Variants in CLASP1 observed in about 807,000 individuals in gnomAD.
The protein encoded by CLASP1 is CLIP-associating protein 1.
In CLASP1, 38 loss-of-function variants were observed where a neutral mutation model predicts 192.3. The observed-to-expected ratio is 0.20, with a 90% CI of 0.15 to 0.26. The LOEUF (loss-of-function observed/expected upper bound fraction) is 0.26, where lower values mean the gene tolerates loss of function less well. Among genes scored for constraint, CLASP1 ranks in the 10% least tolerant of loss-of-function variants. CLASP1 has a pLI of 1.00. For missense variants in CLASP1, 1,433 were observed against 1,932.5 expected (o/e 0.74, Z 4.85); for synonymous variants, 691 against 712.8 (o/e 0.97, Z 0.49).
rs922071307 is a variant in CLASP1, at chr2:121,421,279, G to A, written c.2213-2550C>T. Among the ~76,000 whole-genome samples the A allele has an allele frequency of 3.3e-5, 5 of 152,080 alleles. No homozygotes were observed. The East Asian group carries it at 5.8e-4, about 18-fold the overall frequency. The stretch of plus-strand genomic sequence containing the variant: ...TTTATTTAATTTCTTTTTTTGAGAC[G>A]GAGTCTTGCTCTGTCACCTGGGCTG... On this transcript the variant is annotated intron_variant, in intron 22 of 39. Coordinates refer to ENST00000263710, the Ensembl canonical transcript of CLASP1.
chr2:121,395,046 T>A (rs1574275154), intron 30 of CLASP1, among the ~76,000 whole-genome samples: 1 of 152,116 alleles, frequency 6.6e-6, no homozygotes, highest in African/African-American at 2.4e-5. Flanking sequence ...TGAGAATGGC[T>A]GCCCGTTGAC....
intron 1 of CLASP1, among the ~76,000 whole-genome samples, chr2:121,620,111 A>C (rs2067087550): frequency 6.6e-6 from 1 of 151,726 alleles, no homozygotes; most frequent in South Asian, 2.1e-4. Flanking sequence ...AATCCCAGCT[A>C]CTGAGGAGGC....
At chr2:121,594,239 T>G (rs1402983682) in intron 2 of CLASP1, among the ~76,000 whole-genome samples, 3 of 142,036 alleles carry the variant, frequency 2.1e-5, no homozygotes, top group African/African-American at 5.3e-5. Context: ...GGCGGAGCTT[T>G]CAGTGAGCCG....
chr2:121,407,551 G>A (rs374120759), exon 25 of CLASP1: 5 of 1,613,908 alleles, frequency 3.1e-6, no homozygotes, highest in Non-Finnish European at 4.2e-6. Flanking sequence ...AACTAGCACA[G>A]TGGTTGAGAA....
chr2:121,559,131 A>G (rs1654405954), intron 2 of CLASP1, among the ~76,000 whole-genome samples: 1 of 152,246 alleles, frequency 6.6e-6, no homozygotes, highest in Admixed American at 6.5e-5. Context: ...AACATGGCTC[A>G]TGACAAACCC....
At position 121,551,803 on chromosome 2, in the gene CLASP1, C is replaced by T. The variant is rs577147394; in HGVS notation, c.196-21478G>A. Among the ~76,000 whole-genome samples the T allele has an allele frequency of 1.4e-4, 21 of 152,200 alleles. No individual in the cohort carries two copies. In the South Asian group the frequency reaches 4.2e-3, roughly 30 times the overall value. ...GCAATTTACAGATTCAGTGCTATTC[C>T]TATCAAAACTACCACTGACATTCTT... On this transcript the variant is annotated intron_variant, in intron 2 of 39. Transcript: ENST00000263710.
chr2:121,480,661 C>T (rs545786605), intron 8 of CLASP1, among the ~76,000 whole-genome samples: 39 of 152,302 alleles, frequency 2.6e-4, no homozygotes, highest in African/African-American at 9.1e-4. Context: ...ATCCTGTCTA[C>T]CTATGAAATG....
chr2:121,609,651 A>G (rs1006196522), intron 1 of CLASP1, among the ~76,000 whole-genome samples: 2 of 152,188 alleles, frequency 1.3e-5, no homozygotes, highest in African/African-American at 4.8e-5. Flanking sequence ...TCTCCTTAAA[A>G]GCAAGTAATG....
chr2:121,600,852 A>G (rs1476034797), intron 2 of CLASP1, among the ~76,000 whole-genome samples: 1 of 152,210 alleles, frequency 6.6e-6, no homozygotes, highest in African/African-American at 2.4e-5. Flanking sequence ...CACTCAAGGG[A>G]GGCCCCCACT....
In CLASP1 at chr2:121,530,941, T is replaced by C. The variant is rs1013303035; in HGVS notation, c.196-616A>G. ...GAGCGCATAGTGAGGGCAGTACTGC[T>C]AACGCCTGAACAACACACCCGCATC... is the stretch of plus-strand genomic sequence containing the variant. On this transcript the variant is annotated intron_variant, in intron 2 of 39. Coordinates refer to ENST00000263710, the Ensembl canonical transcript of CLASP1. 1.0e-5 allele frequency: 7 copies of C among 700,320 alleles called. No individual in the cohort carries two copies. Among genetic ancestry groups the C allele is most frequent in the African/African-American group, 5.2e-5 (3 of 57,188 alleles). The allele number at this position is 700,320 out of a possible 1,614,324, so 43.4% of individuals were successfully genotyped here.
intron 39 of CLASP1, among the ~76,000 whole-genome samples, chr2:121,343,578 C>CT (rs2063054875): frequency 6.6e-6 from 1 of 152,040 alleles, no homozygotes; most frequent in Non-Finnish European, 1.5e-5. Context: ...AGGACACATA[C>CT]GATGTAATTC....
At position 121,492,389 on chromosome 2, in the gene CLASP1, CAAAAAAAAAAAA is replaced by C. The variant is rs761378692; in HGVS notation, c.712+10766_712+10777del. ...GGGCGACAGAGCGAGACTCCCTCTCCAAAAAAAAAAAAAAAAAAAAAAAAAGTGAAAAGATAA... is the reference window on the plus strand; with the variant it reads ...GGGCGACAGAGCGAGACTCCCTCTCCAAAAAAAAAAAAAGTGAAAAGATAA... On this transcript the variant is annotated intron_variant, in intron 8 of 39. Coordinates refer to ENST00000263710, the Ensembl canonical transcript of CLASP1. Among the ~76,000 whole-genome samples the C allele has an allele frequency of 4.0e-4, 15 of 37,928 alleles. No homozygotes were observed. The South Asian group carries it at 0.014, about 35-fold the overall frequency. The allele number at this position is 37,928 out of a possible 152,430, so 24.9% of individuals were successfully genotyped here. A position where few individuals can be genotyped will look rare whatever the true frequency, so the allele number is the denominator to read the frequency against.
chr2:121,344,393 G>A (rs895330103), intron 39 of CLASP1, among the ~76,000 whole-genome samples: 3 of 151,814 alleles, frequency 2.0e-5, no homozygotes, highest in Admixed American at 1.3e-4. Flanking sequence ...GTGCAGTGGT[G>A]CGTTCTTGGC....
intron 8 of CLASP1, among the ~76,000 whole-genome samples, chr2:121,483,139 C>T (rs1395103166): frequency 6.6e-6 from 1 of 152,166 alleles, no homozygotes; most frequent in Non-Finnish European, 1.5e-5. Context: ...CTGACTTCAT[C>T]CATCTGGGCA....
At chr2:121,618,005 T>C (rs1172226369) in intron 1 of CLASP1, among the ~76,000 whole-genome samples, 1 of 152,226 alleles carries the variant, frequency 6.6e-6, no homozygotes, top group East Asian at 1.9e-4. Flanking sequence ...GCTATTCTTT[T>C]TCATCTTTCA....
intron 19 of CLASP1, among the ~76,000 whole-genome samples, chr2:121,440,832 A>G (rs1036438794): frequency 2.7e-5 from 4 of 149,902 alleles, no homozygotes; most frequent in African/African-American, 1.0e-4. Flanking sequence ...AAAAAAAAAA[A>G]GAGGTAAAGA....
chr2:121,536,378 GA>G (rs59632661), intron 2 of CLASP1, among the ~76,000 whole-genome samples: 1,344 of 48,214 alleles, frequency 0.028, 4 homozygotes, highest in Non-Finnish European at 0.038. Context: ...AAGACTGTCT[GA>G]AAAAAAAAAA....
chr2:121,468,949 A>G (rs1272319928), intron 9 of CLASP1, among the ~76,000 whole-genome samples: 2 of 151,936 alleles, frequency 1.3e-5, no homozygotes, highest in Non-Finnish European at 2.9e-5. Flanking sequence ...TTGAGTTTTC[A>G]GCGCTTTTGT....
intron 2 of CLASP1, among the ~76,000 whole-genome samples, chr2:121,593,367 C>A (rs1010748802): frequency 1.4e-4 from 21 of 152,108 alleles, no homozygotes; most frequent in African/African-American, 4.3e-4. Context: ...CACCTGTAAT[C>A]CCAGCACTTA....
Sources: allele counts gnomAD v4.1 joint callset (sites outside exome capture counted in the v4.1 genomes callset), GRCh38; gene constraint gnomAD v4.1.1; transcripts MANE v1.5; gene names NCBI Gene and HGNC (gene_info 2026-07-23, HGNC 2026-07-21).